TRHDE: variants seen among roughly 807,000 people sequenced by gnomAD.
TRHDE encodes thyrotropin releasing hormone degrading enzyme.
TRHDE carries 72 observed loss-of-function variants against 125.7 expected under a neutral mutation model. The ratio of observed to expected loss-of-function variants is 0.57; its 90% CI spans 0.47 to 0.70. The LOEUF (loss-of-function observed/expected upper bound fraction) is 0.70. Ranked by LOEUF, TRHDE falls within the 30% of genes least tolerant of loss-of-function variation. The pLI, the probability that TRHDE is intolerant of heterozygous loss-of-function variation, is 0.00. For synonymous variants in TRHDE, 509 were observed against 509.1 expected, an observed-to-expected ratio of 1.00 and a Z score of 0.00; for missense variants, 1,110 against 1,327.1, an observed-to-expected ratio of 0.84 and a Z score of 2.54.
rs374962982 is a variant in TRHDE, at chr12:72,204,560, GATTA to G, written n.279+98813_279+98816del. Among the ~76,000 whole-genome samples the G allele has an allele frequency of 8.2e-4, 125 of 152,128 alleles. 1 individual carries two copies. The East Asian group carries it at 0.017, about 20-fold the overall frequency. ...TGAGGTCAAAACTCCTAACTTAATT[GATTA>G]ATTATTTCCAGCTGATGTCCCTTAG... On this transcript the variant is annotated intron_variant and non_coding_transcript_variant, in intron 2 of 4. Transcript: ENST00000548156.
At chr12:72,477,613 A>G (rs1876959025) in intron 5 of TRHDE, among the ~76,000 whole-genome samples, 1 of 152,248 alleles carries the variant, frequency 6.6e-6, no homozygotes, top group African/African-American at 2.4e-5. Flanking sequence ...TGGCAATCAT[A>G]TTAAATCTTA....
At chr12:72,246,765 G>A (rs533396832) in intron 2 of TRHDE, among the ~76,000 whole-genome samples, 2 of 152,290 alleles carry the variant, frequency 1.3e-5, no homozygotes, top group South Asian at 2.1e-4. Context: ...TTAAGGTGGT[G>A]CTTTTGAAAC....
At chr12:72,178,703 T>C (rs1350300703) in intron 2 of TRHDE, among the ~76,000 whole-genome samples, 1 of 152,092 alleles carries the variant, frequency 6.6e-6, no homozygotes, top group Admixed American at 6.5e-5. Flanking sequence ...GGCATCAGTT[T>C]AAAAGTTATC....
chr12:72,639,400 A>G (rs957083510), intron 15 of TRHDE, among the ~76,000 whole-genome samples: 4 of 151,982 alleles, frequency 2.6e-5, no homozygotes, highest in African/African-American at 9.7e-5. Context: ...CTAGTTATAC[A>G]TTCTTCTAAA....
chr12:72,124,988 T>C (rs563092888), intron 2 of TRHDE, among the ~76,000 whole-genome samples: 17 of 152,336 alleles, frequency 1.1e-4, no homozygotes, highest in African/African-American at 3.8e-4. Flanking sequence ...TTTTAAATGT[T>C]GAGTCATTAT....
At chr12:72,609,382 A>G (rs1872558570) in intron 12 of TRHDE, among the ~76,000 whole-genome samples, 1 of 152,226 alleles carries the variant, frequency 6.6e-6, no homozygotes, top group Non-Finnish European at 1.5e-5. Flanking sequence ...TCCGAAGGTA[A>G]TTATGAAGAA....
intron 1 of TRHDE, among the ~76,000 whole-genome samples, chr12:72,277,440 A>G (rs754442138): frequency 1.3e-5 from 2 of 152,218 alleles, no homozygotes; most frequent in Non-Finnish European, 2.9e-5. Flanking sequence ...TTCGGTAAGA[A>G]GATAGCTTAA....
chr12:72,202,576 C>T (rs1013246764), intron 2 of TRHDE, among the ~76,000 whole-genome samples: 9 of 152,126 alleles, frequency 5.9e-5, no homozygotes, highest in African/African-American at 1.7e-4. Context: ...CTTTCTGGCT[C>T]GCTATCTCCA....
At chr12:72,423,209 A>G (rs1293199301) in intron 3 of TRHDE, among the ~76,000 whole-genome samples, 2 of 152,216 alleles carry the variant, frequency 1.3e-5, no homozygotes, top group Non-Finnish European at 2.9e-5. Context: ...GATGGTACAG[A>G]AGTGGAACAC....
intron 2 of TRHDE, among the ~76,000 whole-genome samples, chr12:72,231,614 C>T (rs1336932450): frequency 1.3e-5 from 2 of 152,136 alleles, no homozygotes; most frequent in Non-Finnish European, 2.9e-5. Flanking sequence ...CTTCTATGGT[C>T]TGTAGCTGGT....
At chr12:72,519,056 T>G (rs1405335911) in intron 6 of TRHDE, among the ~76,000 whole-genome samples, 1 of 152,228 alleles carries the variant, frequency 6.6e-6, no homozygotes, top group African/African-American at 2.4e-5. Flanking sequence ...TAACCCAACC[T>G]TTCCCTCTGG....
At chr12:72,581,156 G>A (rs1314104952) in intron 12 of TRHDE, among the ~76,000 whole-genome samples, 2 of 152,198 alleles carry the variant, frequency 1.3e-5, no homozygotes, top group Non-Finnish European at 2.9e-5. Flanking sequence ...GATTTCTCTG[G>A]AGTGGAATTG....
Position 72,496,802 on chromosome 12 carries a change from A to G in TRHDE, c.1585-2696A>G, listed in dbSNP as rs867470271. Among the ~76,000 whole-genome samples, 4 of 152,104 alleles carry G rather than the reference A, an allele frequency of 2.6e-5. No individual in the cohort carries two copies. In the East Asian group the frequency reaches 7.7e-4, roughly 29 times the overall value. On this transcript the variant is annotated intron_variant, in intron 5 of 18. Transcript: ENST00000261180. The stretch of plus-strand genomic sequence containing the variant: ...ACAGTAGGCAATTAACCAATACTTA[A>G]TCTTGCTGATATTGTTGATTTTGAT...
At chr12:72,511,705 C>T (rs1034858650) in intron 6 of TRHDE, among the ~76,000 whole-genome samples, 1 of 152,122 alleles carries the variant, frequency 6.6e-6, no homozygotes, top group African/African-American at 2.4e-5. Flanking sequence ...CCTTTGCACA[C>T]ATATTTCACC....
chr12:72,262,628 C>T (rs913514035), intron 2 of TRHDE: 2 of 152,194 alleles, frequency 1.3e-5, no homozygotes, highest in East Asian at 3.9e-4. Flanking sequence ...TATATCTTTA[C>T]AGATAGATAT....
intron 2 of TRHDE, among the ~76,000 whole-genome samples, chr12:72,287,685 CATTTT>C (rs1294821693): frequency 1.3e-5 from 2 of 151,758 alleles, no homozygotes; most frequent in African/African-American, 2.4e-5. Flanking sequence ...ATTTTCATTT[CATTTT>C]ATTTTCTTAG....
intron 3 of TRHDE, among the ~76,000 whole-genome samples, chr12:72,404,055 T>C (rs1873161290): frequency 6.6e-6 from 1 of 152,134 alleles, no homozygotes; most frequent in East Asian, 1.9e-4. Flanking sequence ...ATGATATGAG[T>C]ACTCAGTATG....
chr12:72,115,113 T>A lies in TRHDE; in HGVS notation n.279+9361T>A, dbSNP rs578034573. Among the ~76,000 whole-genome samples, 5 of 152,208 alleles carry A rather than the reference T, an allele frequency of 3.3e-5. No homozygotes were observed. In the South Asian group the frequency reaches 1.0e-3, roughly 32 times the overall value. ...CAATCCAGTTATACTCTTTAAGTTA[T>A]TTTAAAATGTACAGTTATTTTTGAC... On this transcript the variant is annotated intron_variant and non_coding_transcript_variant, in intron 2 of 4. Transcript: ENST00000548156.
chr12:72,611,515 A>C (rs555626953), intron 12 of TRHDE, among the ~76,000 whole-genome samples: 6 of 152,292 alleles, frequency 3.9e-5, no homozygotes, highest in African/African-American at 1.4e-4. Flanking sequence ...AGCCCTCTTG[A>C]CCTTTTTGCA....
Sources: gnomAD v4.1 joint callset for allele counts (sites outside exome capture counted in the v4.1 genomes callset) on GRCh38, gnomAD v4.1.1 for gene constraint, MANE v1.5 for transcripts, NCBI Gene and HGNC (gene_info 2026-07-23, HGNC 2026-07-21) for gene names.